The following MCF2L variants were observed in gnomAD, a reference collection of about 807,000 sequenced individuals.
MCF2L encodes guanine nucleotide exchange factor DBS.
In MCF2L, 97 loss-of-function variants were observed where a neutral mutation model predicts 153.4. The ratio of observed to expected loss-of-function variants is 0.63; its 90% CI spans 0.54 to 0.75. The LOEUF (loss-of-function observed/expected upper bound fraction) is 0.75. MCF2L is among the 30% of genes least tolerant of loss of function. The pLI is 0.00. For missense variants in MCF2L, 1,347 were observed against 1,495.2 expected (o/e 0.90, Z 1.64); for synonymous variants, 659 against 632.2 (o/e 1.04, Z -0.64).
intron 1 of MCF2L, among the ~76,000 whole-genome samples, chr13:112,981,927 G>A (rs2082444694): frequency 6.6e-6 from 1 of 152,234 alleles, no homozygotes; most frequent in African/African-American, 2.4e-5. Context: ...TCTCCGATTG[G>A]AAGGTGGAGG....
intron 3 of MCF2L, among the ~76,000 whole-genome samples, chr13:113,029,546 C>T (rs530252579): frequency 9.2e-5 from 14 of 152,308 alleles, no homozygotes; most frequent in African/African-American, 2.2e-4. Context: ...GCATCCCTGG[C>T]GAGCAAAATT....
intron 2 of MCF2L, among the ~76,000 whole-genome samples, chr13:112,908,353 T>C (rs1178307296): frequency 2.6e-5 from 4 of 152,164 alleles, no homozygotes; most frequent in Non-Finnish European, 5.9e-5. Flanking sequence ...CTGAATGGAA[T>C]TGGCTGCAGT....
At chr13:113,023,189 C>T (rs766382604) in intron 2 of MCF2L, among the ~76,000 whole-genome samples, 6 of 152,218 alleles carry the variant, frequency 3.9e-5, no homozygotes, top group Non-Finnish European at 8.8e-5. Context: ...CCAGGATGGG[C>T]TCAAGGCATG....
intron 3 of MCF2L, chr13:113,043,186 T>G (rs1314334473): frequency 2.0e-5 from 3 of 152,218 alleles, no homozygotes; most frequent in Non-Finnish European, 4.4e-5. Context: ...GCAGAGGCGG[T>G]GAGCCCCTCC....
At chr13:113,061,722 C>CCT (rs1366511463) in intron 5 of MCF2L, among the ~76,000 whole-genome samples, 11 of 101,754 alleles carry the variant, frequency 1.1e-4, no homozygotes, top group Admixed American at 2.8e-4. Context: ...TCCCCTCCCC[C>CCT]TTGCCCTCCC....
Position 112,980,581 on chromosome 13 carries a change from C to T in MCF2L, c.79+11123C>T, listed in dbSNP as rs573837199. Among the ~76,000 whole-genome samples the T allele has an allele frequency of 9.6e-5, 13 of 136,120 alleles. No homozygotes were observed. In the East Asian group the frequency reaches 2.5e-3, roughly 26 times the overall value. The allele number at this position is 136,120 out of a possible 152,430, so 89.3% of individuals were successfully genotyped here. On this transcript the variant is annotated intron_variant, in intron 1 of 29. Coordinates refer to ENST00000535094, the MANE Select transcript of MCF2L (RefSeq NM_001112732.3). ...GATGCCTGACTGTCCTGGGGCTGAGCGGCGCCAGCCAGGAGGGCCACCATG... is the reference window on the plus strand; with the variant it reads ...GATGCCTGACTGTCCTGGGGCTGAGTGGCGCCAGCCAGGAGGGCCACCATG...
intron 4 of MCF2L, among the ~76,000 whole-genome samples, chr13:113,051,664 G>A (rs1030186204): frequency 3.3e-5 from 5 of 152,350 alleles, no homozygotes; most frequent in Middle Eastern, 3.4e-3. Context: ...CTTAGTCCGG[G>A]TCTGCTGCTT....
intron 1 of MCF2L, among the ~76,000 whole-genome samples, chr13:113,007,108 G>C (rs1256593541): frequency 6.6e-6 from 1 of 152,148 alleles, no homozygotes; most frequent in African/African-American, 2.4e-5. Flanking sequence ...GATTTTTTAA[G>C]TTGTTCTAGC....
At chr13:113,033,355 C>T (rs1458329818) in intron 3 of MCF2L, among the ~76,000 whole-genome samples, 2 of 72,594 alleles carry the variant, frequency 2.8e-5, no homozygotes, top group East Asian at 5.5e-4. Context: ...TAGTGGACCC[C>T]GTGGCGTGAG....
intron 2 of MCF2L, among the ~76,000 whole-genome samples, chr13:112,926,566 C>T (rs1315251849): frequency 1.3e-5 from 2 of 152,096 alleles, no homozygotes; most frequent in Non-Finnish European, 2.9e-5. Context: ...GCCACCTGGT[C>T]GATATGCACA....
intron 3 of MCF2L, among the ~76,000 whole-genome samples, chr13:113,025,813 T>C (rs1057457287): frequency 4.0e-4 from 53 of 133,970 alleles, no homozygotes; most frequent in African/African-American, 8.6e-4. Context: ...TCCCCGTGAC[T>C]GTGGGTCGGG....
At chr13:113,017,050 A>G (rs4907575) in intron 2 of MCF2L, among the ~76,000 whole-genome samples, 46 of 152,022 alleles carry the variant, frequency 3.0e-4, no homozygotes, top group Non-Finnish European at 5.1e-4. Flanking sequence ...ACGTCTGAGA[A>G]GGATCAGTGT....
intron 1 of MCF2L, among the ~76,000 whole-genome samples, chr13:112,990,656 T>C (rs1002633150): frequency 3.3e-5 from 5 of 152,246 alleles, no homozygotes; most frequent in African/African-American, 1.2e-4. Flanking sequence ...AACTGCTTTC[T>C]GTGTGGAGCT....
chr13:112,948,172 C>T (rs1003069313), intron 2 of MCF2L, among the ~76,000 whole-genome samples: 3 of 152,142 alleles, frequency 2.0e-5, no homozygotes, highest in Non-Finnish European at 4.4e-5. Context: ...TGAAGATCTC[C>T]GAAATGCCCT....
chr13:112,922,571 G>C (rs3011490), intron 2 of MCF2L, among the ~76,000 whole-genome samples: 1 of 151,686 alleles, frequency 6.6e-6, no homozygotes, highest in African/African-American at 2.4e-5. Context: ...AGTGGCTCAC[G>C]CCTGTAATCC....
At chr13:113,032,799 G>A (rs762180498) in intron 3 of MCF2L, among the ~76,000 whole-genome samples, 20 of 152,154 alleles carry the variant, frequency 1.3e-4, no homozygotes, top group Non-Finnish European at 1.6e-4. Context: ...AGAATTCTTG[G>A]GTTCGAGTGA....
chr13:113,057,251 G>C, intron 4 of MCF2L, among the ~76,000 whole-genome samples: 1 of 149,406 alleles, frequency 6.7e-6, no homozygotes, highest in East Asian at 2.0e-4. Context: ...GTGTTTAGGT[G>C]CTGTGTGTTT....
intron 4 of MCF2L, among the ~76,000 whole-genome samples, chr13:113,050,149 TGTGA>T (rs1408453652): frequency 5.3e-5 from 8 of 151,714 alleles, no homozygotes; most frequent in Admixed American, 1.3e-4. Context: ...GTACTGCATG[TGTGA>T]GTGTGTGAGT....
At chr13:113,065,424 G>A (rs2032213931) in intron 7 of MCF2L, 1 of 331,260 alleles carries the variant, frequency 3.0e-6, no homozygotes, top group East Asian at 6.4e-5. Flanking sequence ...TTGGCTGTCT[G>A]TGCGGGGAGC....
Sources: allele counts gnomAD v4.1 joint callset (sites outside exome capture counted in the v4.1 genomes callset), GRCh38; gene constraint gnomAD v4.1.1; transcripts MANE v1.5; gene names NCBI Gene and HGNC (gene_info 2026-07-23, HGNC 2026-07-21).